Variants in NEK4 observed in about 807,000 individuals in gnomAD.
NEK4 encodes serine/threonine-protein kinase Nek4.
Under a neutral mutation model 98.4 loss-of-function variants are expected in NEK4, and 86 were observed. The observed-to-expected ratio is 0.87, with a 90% CI of 0.73 to 1.05. The LOEUF (loss-of-function observed/expected upper bound fraction) is 1.05. Ranked by LOEUF, NEK4 falls within the 50% of genes least tolerant of loss-of-function variation. The probability of loss-of-function intolerance (pLI) is 0.00; values close to 1 mark genes in which losing one functional copy is unlikely to be tolerated. For missense variants in NEK4, 898 were observed against 950.3 expected (o/e 0.94, Z 0.72); for synonymous variants, 328 against 342.2 (o/e 0.96, Z 0.46).
chr3:52,716,645 A>G (rs986169107), intron 15 of NEK4, among the ~76,000 whole-genome samples: 2 of 152,140 alleles, frequency 1.3e-5, no homozygotes, highest in Non-Finnish European at 2.9e-5. Context: ...TATAAAGCCA[A>G]TCTCCTCTGC....
At chr3:52,714,032 C>A (rs1249576880) in intron 15 of NEK4, among the ~76,000 whole-genome samples, 2 of 152,058 alleles carry the variant, frequency 1.3e-5, no homozygotes, top group African/African-American at 2.4e-5. Flanking sequence ...CTCAGGAGTT[C>A]AAGACCAGCT....
rs141623192 is a variant in NEK4, at chr3:52,745,511, G to A, written c.1827+550C>T. On this transcript the variant is annotated intron_variant, in intron 10 of 15. Transcript: ENST00000233027. ...GGAGAATTGCTTGAACCCAGGAGGC[G>A]GAGATTGTAGTGAGCCAAGATTGTG... Among the ~76,000 whole-genome samples the A allele has an allele frequency of 5.3e-3, 804 of 151,744 alleles. 9 individuals carry two copies. The highest frequency in any genetic ancestry group is 0.018 in the African/African-American group (728 of 41,430).
At chr3:52,721,506 T>C (rs553788643) in intron 15 of NEK4, among the ~76,000 whole-genome samples, 7 of 152,168 alleles carry the variant, frequency 4.6e-5, no homozygotes, top group East Asian at 1.9e-4. Flanking sequence ...GGCAGGAGAA[T>C]TGCTTGAGCC....
At chr3:52,718,992 G>A (rs1561284285) in intron 15 of NEK4, among the ~76,000 whole-genome samples, 1 of 152,146 alleles carries the variant, frequency 6.6e-6, no homozygotes, top group Admixed American at 6.6e-5. Flanking sequence ...CCCAACCTCA[G>A]GTGATCTGCC....
At position 52,763,565 on chromosome 3, in the gene NEK4, C is replaced by G. The variant is rs1252665996; in HGVS notation, c.726G>C (p.Leu242=). 1 of 1,613,778 alleles carries G rather than the reference C, an allele frequency of 6.2e-7. No individual in the cohort carries two copies. Among genetic ancestry groups the G allele is most frequent in the African/African-American group, 1.3e-5 (1 of 74,934 alleles). ...PELAELIRTM[L]SKRPEERPSV... ...ACGGCCTTTCTTCAGGCCTTTTGCT[C>G]AGCATTGTTCTTATCAGTTCTGCCA... The change falls in exon 5 of 16, where the codon CTG becomes CTC. Residue 242 remains leucine (L), a synonymous_variant. Coordinates refer to ENST00000233027, the MANE Select transcript of NEK4 (RefSeq NM_003157.6).
intron 4 of NEK4, among the ~76,000 whole-genome samples, chr3:52,764,285 CAAA>C (rs558340378): frequency 1.2e-5 from 1 of 85,144 alleles, no homozygotes; most frequent in Non-Finnish European, 2.5e-5. Flanking sequence ...GACTCTGTCT[CAAA>C]AAAAAAAAAA....
At chr3:52,736,779 C>T (rs1009647916) in intron 15 of NEK4, among the ~76,000 whole-genome samples, 1 of 151,922 alleles carries the variant, frequency 6.6e-6, no homozygotes, top group African/African-American at 2.4e-5. Context: ...ATTAGGCATA[C>T]ATTAGTCTTT....
intron 12 of NEK4, among the ~76,000 whole-genome samples, chr3:52,742,333 G>A (rs1463259867): frequency 6.6e-6 from 1 of 151,538 alleles, no homozygotes; most frequent in Non-Finnish European, 1.5e-5. Flanking sequence ...GGCCTCCCAA[G>A]TAGCTGAGAT....
In NEK4 at chr3:52,737,618, G is replaced by C. The variant is rs1241040170; in HGVS notation, c.2401C>G (p.Leu801Val). ...TCAAATTCATCCTCCTCCTCCAAAA[G>C]ATCATACACCTGCTCTAAAAGCTGA... ...GVQLLEQVYD[L>V]LEEEDEFDRE... Residue 801 changes from leucine to valine, a missense_variant, in exon 15 of 16, where the codon CTT (leucine) becomes GTT (valine). Transcript: ENST00000233027. The C allele has an allele frequency of 6.2e-7, 1 of 1,613,722 alleles. No homozygotes were observed. The highest frequency in any genetic ancestry group is 2.2e-5 in the East Asian group (1 of 44,864).
At chr3:52,768,228 A>T (rs534266914) in intron 2 of NEK4, 110 bp downstream of exon 2, 1 of 1,019,830 alleles carries the variant, frequency 9.8e-7, no homozygotes, top group African/African-American at 1.6e-5. Context: ...TGAATTTTCC[A>T]AAAAATACAT....
At chr3:52,754,931 G>A (rs951241673) in intron 6 of NEK4, among the ~76,000 whole-genome samples, 8 of 151,810 alleles carry the variant, frequency 5.3e-5, no homozygotes, top group African/African-American at 7.3e-5. Flanking sequence ...AAAATTAGCC[G>A]GGCGCGGTGG....
intron 6 of NEK4, among the ~76,000 whole-genome samples, chr3:52,760,357 C>T (rs1698311038): frequency 6.6e-6 from 1 of 152,130 alleles, no homozygotes; most frequent in South Asian, 2.1e-4. Flanking sequence ...GCTATGACTA[C>T]AGGTACATGC....
chr3:52,720,469 G>GAC (rs2097359155), intron 15 of NEK4, among the ~76,000 whole-genome samples: 1 of 152,130 alleles, frequency 6.6e-6, no homozygotes, highest in Non-Finnish European at 1.5e-5. Flanking sequence ...TCCACAGACA[G>GAC]ACACATTAAG....
rs767287019 is a variant in NEK4 at position 52,710,441 on chromosome 3, A to AAGGT, written c.*1335_*1336insACCT. Reference sequence around the variant, plus strand: ...TATTTGTGTGTGTGTGTAATTTTCAAAGATAGATATATTTTTAGTTATAGA... The same window carrying AAGGT: ...TATTTGTGTGTGTGTGTAATTTTCAAAGGTAGATAGATATATTTTTAGTTATAGA... On this transcript the variant is annotated 3_prime_UTR_variant, in exon 16 of 16. Transcript: ENST00000233027. 1 of 151,932 alleles carries AAGGT rather than the reference A, an allele frequency of 6.6e-6. No homozygotes were observed. The highest frequency in any genetic ancestry group is 2.4e-5 in the African/African-American group (1 of 41,348). 9.4% of individuals were successfully genotyped at this position (151,932 alleles called of 1,614,324 possible).
At chr3:52,733,625 T>C in intron 15 of NEK4, 1 of 498,648 alleles carries the variant, frequency 2.0e-6, no homozygotes, top group Non-Finnish European at 4.0e-6. Context: ...GTTGAAAGCA[T>C]TTAGCAAGCA....
Sources: gnomAD v4.1 joint callset for allele counts (sites outside exome capture counted in the v4.1 genomes callset) on GRCh38, gnomAD v4.1.1 for gene constraint, MANE v1.5 for transcripts, NCBI Gene and HGNC (gene_info 2026-07-23, HGNC 2026-07-21) for gene names.